UPF2: variants seen among roughly 807,000 people sequenced by gnomAD.
UPF2 encodes the protein regulator of nonsense transcripts 2.
UPF2 carries 17 observed loss-of-function variants against 141.4 expected under a neutral mutation model. The observed-to-expected ratio is 0.12, with a 90% confidence interval of 0.08 to 0.18. The LOEUF is 0.18. Among genes scored for constraint, UPF2 ranks in the 10% least tolerant of loss-of-function variants. The pLI is 1.00. For missense variants in UPF2, 1,152 were observed against 1,515.9 expected, an observed-to-expected ratio of 0.76 and a Z score of 3.99; for synonymous variants, 540 against 498.0, an observed-to-expected ratio of 1.08 and a Z score of -1.12.
chr10:11,952,562 C>T (rs906573113), intron 14 of UPF2, among the ~76,000 whole-genome samples: 15 of 150,750 alleles, frequency 1.0e-4, no homozygotes, highest in Non-Finnish European at 1.8e-4. Flanking sequence ...GCAAGCTCCG[C>T]CTCCCAGGTT....
chr10:11,951,472 G>T (rs542386085), intron 15 of UPF2, among the ~76,000 whole-genome samples: 216 of 152,148 alleles, frequency 1.4e-3, no homozygotes, highest in Non-Finnish European at 2.3e-3. Context: ...AGACATATAG[G>T]TTCCTGCAGC....
chr10:11,982,177 C>A (rs1833608565), intron 8 of UPF2, among the ~76,000 whole-genome samples: 1 of 152,242 alleles, frequency 6.6e-6, no homozygotes, highest in Non-Finnish European at 1.5e-5. Context: ...ATAAAGTATT[C>A]TTTTTCAGCT....
At chr10:11,947,783 T>A in intron 16 of UPF2, among the ~76,000 whole-genome samples, 1 of 101,252 alleles carries the variant, frequency 9.9e-6, no homozygotes, top group South Asian at 3.4e-4. Flanking sequence ...AGAAACCTTG[T>A]CTCAAAAAAA....
chr10:11,978,840 G>A (rs1055657015), intron 9 of UPF2, among the ~76,000 whole-genome samples: 2 of 152,170 alleles, frequency 1.3e-5, no homozygotes, highest in Non-Finnish European at 2.9e-5. Context: ...GGGGAACAAG[G>A]TAGCAGGAAC....
At chr10:11,990,685 A>AAT (rs1189104428) in intron 8 of UPF2, among the ~76,000 whole-genome samples, 1 of 149,950 alleles carries the variant, frequency 6.7e-6, no homozygotes, top group East Asian at 2.0e-4. Context: ...TCTCAAAAAA[A>AAT]AAAAAAAAAA....
intron 8 of UPF2, among the ~76,000 whole-genome samples, chr10:11,981,151 A>G (rs1833585908): frequency 6.6e-6 from 1 of 152,158 alleles, no homozygotes; most frequent in Non-Finnish European, 1.5e-5. Context: ...CCACAGAGCG[A>G]GACTTTGTCT....
chr10:11,926,854 G>A (rs1832719235), intron 21 of UPF2, among the ~76,000 whole-genome samples: 2 of 152,200 alleles, frequency 1.3e-5, no homozygotes, highest in South Asian at 4.1e-4. Context: ...GAGGGAGGAA[G>A]GGAAAATAGA....
intron 9 of UPF2, among the ~76,000 whole-genome samples, chr10:11,972,100 T>G (rs1833428895): frequency 2.0e-5 from 3 of 151,352 alleles, no homozygotes; most frequent in Admixed American, 1.3e-4. Context: ...AAAAACACTC[T>G]TCAGATATGT....
In UPF2 at chr10:11,956,571, G is replaced by A. The variant is rs761260052; in HGVS notation, c.2371-48C>T. 1.9e-6 allele frequency: 3 copies of A among 1,552,190 alleles called. No individual in the cohort carries two copies. In the South Asian group the frequency reaches 3.5e-5, roughly 18 times the overall value. ...AAATTATTAAGATAAGTACACAGTAGCCTGACCAAATAATACAGAAATTTT... is the reference window on the plus strand; with the variant it reads ...AAATTATTAAGATAAGTACACAGTAACCTGACCAAATAATACAGAAATTTT... On this transcript the variant is annotated intron_variant, in intron 12 of 21. Transcript: ENST00000357604. The surrounding 1 kb of genome is among the most constrained non-coding windows in gnomAD (Gnocchi z 4.2).
chr10:12,038,420 A>ACACACAC (rs34483891), intron 1 of UPF2, among the ~76,000 whole-genome samples: 1 of 142,138 alleles, frequency 7.0e-6, no homozygotes, highest in Non-Finnish European at 1.5e-5. Context: ...ACACACACAC[A>ACACACAC]AATTACCTTT....
intron 15 of UPF2, among the ~76,000 whole-genome samples, chr10:11,949,211 G>C (rs1833043333): frequency 1.3e-5 from 2 of 152,076 alleles, no homozygotes; most frequent in Non-Finnish European, 2.9e-5. Context: ...CACACAATGT[G>C]GTCTCATCTG....
At chr10:12,003,919 G>A (rs1346163808) in intron 5 of UPF2, among the ~76,000 whole-genome samples, 27 of 43,916 alleles carry the variant, frequency 6.1e-4, no homozygotes, top group East Asian at 2.6e-3. Context: ...CAAAAACTCC[G>A]CCTCAAAAAA....
chr10:11,923,618 T>G (rs1832674325), intron 21 of UPF2, among the ~76,000 whole-genome samples: 1 of 148,924 alleles, frequency 6.7e-6, no homozygotes, highest in Non-Finnish European at 1.5e-5. Flanking sequence ...AGGCGGAGGT[T>G]GCAGTGAGCA....
In UPF2 at chr10:11,942,721, C is replaced by A; in HGVS notation, c.3322G>T (p.Val1108Leu). 1 of 1,614,058 alleles carries A rather than the reference C, an allele frequency of 6.2e-7. No homozygotes were observed. The highest frequency in any genetic ancestry group is 2.2e-5 in the East Asian group (1 of 44,864). Residue 1108 changes from valine (V) to leucine (L), a missense_variant, in exon 18 of 22, where the codon GTA becomes TTA. By Grantham distance (32) the Val-to-Leu change is conservative. Transcript: ENST00000357604. ...GCTTGAATGAAGTCCTCATCTTCTA[C>A]ACAAGGTACATGCTTAAGTCCACCG... ...KGGGLKHVPC[V>L]EDEDFIQALD...
intron 1 of UPF2, among the ~76,000 whole-genome samples, chr10:12,040,757 A>T (rs1023681165): frequency 3.3e-5 from 5 of 152,226 alleles, no homozygotes; most frequent in African/African-American, 1.2e-4. Flanking sequence ...CTCTGAGTCC[A>T]CTTATTTATC....
At chr10:12,013,401 C>G (rs1834165441) in intron 4 of UPF2, among the ~76,000 whole-genome samples, 1 of 151,558 alleles carries the variant, frequency 6.6e-6, no homozygotes, top group Non-Finnish European at 1.5e-5. Flanking sequence ...CTCAGCCTCC[C>G]AAGTAGCTGG....
At chr10:11,970,541 G>A (rs1210847066) in intron 9 of UPF2, among the ~76,000 whole-genome samples, 2 of 152,156 alleles carry the variant, frequency 1.3e-5, no homozygotes, top group Non-Finnish European at 2.9e-5. Context: ...GCTGGGCATG[G>A]TGGCTCACAC....
intron 8 of UPF2, among the ~76,000 whole-genome samples, chr10:11,988,113 C>T (rs111596872): frequency 9.9e-5 from 15 of 152,284 alleles, no homozygotes; most frequent in African/African-American, 3.4e-4. Flanking sequence ...ATAGATACTT[C>T]TCCAAAGAAG....
At chr10:11,973,860 C>T (rs1189849111) in intron 9 of UPF2, among the ~76,000 whole-genome samples, 1 of 152,164 alleles carries the variant, frequency 6.6e-6, no homozygotes, top group Non-Finnish European at 1.5e-5. Context: ...ATTGTCTTGG[C>T]AATGCGGGCT....
Sources: allele counts gnomAD v4.1 joint callset (sites outside exome capture counted in the v4.1 genomes callset), GRCh38; gene constraint gnomAD v4.1.1; non-coding constraint Gnocchi (gnomAD v3.1); transcripts MANE v1.5; gene names NCBI Gene and HGNC (gene_info 2026-07-23, HGNC 2026-07-21).